Variants in AK8 observed in about 807,000 individuals in gnomAD.
AK8 encodes the protein ATP-AMP transphosphorylase 8.
Under a neutral mutation model 54.6 loss-of-function variants are expected in AK8, and 44 were observed. The observed-to-expected ratio is 0.81, with a 90% CI of 0.63 to 1.04. The LOEUF (loss-of-function observed/expected upper bound fraction) is 1.04, where lower values mean the gene tolerates loss of function less well. Among genes scored for constraint, AK8 ranks in the 50% least tolerant of loss-of-function variants. The pLI is 0.00. For synonymous variants in AK8, 239 were observed against 245.6 expected (o/e 0.97, Z 0.25); for missense variants, 555 against 613.6 (o/e 0.90, Z 1.01).
intron 11 of AK8, among the ~76,000 whole-genome samples, chr9:132,733,099 A>G (rs1483608799): frequency 2.6e-5 from 4 of 152,046 alleles, no homozygotes; most frequent in East Asian, 1.9e-4. Flanking sequence ...AGCGAGCCCA[A>G]CTGTTTCCCC....
chr9:132,808,930 T>C (rs1377633668), intron 10 of AK8, among the ~76,000 whole-genome samples: 1 of 152,104 alleles, frequency 6.6e-6, no homozygotes, highest in Non-Finnish European at 1.5e-5. Flanking sequence ...AGTGCCTGGC[T>C]TGGGGAGTGG....
intron 11 of AK8, among the ~76,000 whole-genome samples, chr9:132,773,508 C>T (rs1425216727): frequency 2.6e-5 from 4 of 152,212 alleles, no homozygotes; most frequent in Non-Finnish European, 5.9e-5. Flanking sequence ...GAATGTAAGA[C>T]ACCTGAAGCG....
rs1311489066 is a variant in AK8 at position 132,837,517 on chromosome 9, C to T, written c.403-8791G>A. On this transcript the variant is annotated intron_variant, in intron 5 of 12. Coordinates refer to ENST00000298545, the MANE Select transcript of AK8 (RefSeq NM_152572.3). This position sits in a 1 kb window ranked among gnomAD's most constrained non-coding sequence, Gnocchi z 4.3. ...CCCATCATCTCCGTGCCTCTCAATA[C>T]TCTCTCCTGCTCCAAGGTCTGCTTG... Among the ~76,000 whole-genome samples, 1 of 152,022 alleles carries T rather than the reference C, an allele frequency of 6.6e-6. No homozygotes were observed. The highest frequency in any genetic ancestry group is 1.5e-5 in the Non-Finnish European group (1 of 68,010).
chr9:132,863,592 G>A lies in AK8; in HGVS notation c.333+73C>T, dbSNP rs572302505. The A allele has an allele frequency of 9.5e-4, 972 of 1,019,840 alleles. 13 individuals are homozygous for A. The South Asian group carries it at 0.013, about 14-fold the overall frequency. 63.2% of individuals were successfully genotyped at this position (1,019,840 alleles called of 1,614,324 possible). A position where few individuals can be genotyped will look rare whatever the true frequency, so the allele number is the denominator to read the frequency against. ...ATGAAATGGGAACAAACCAAGCAAT[G>A]GTCAGGTGGCAGTGGGTGTGGCAGT... On this transcript the variant is annotated intron_variant, in intron 4 of 12. Coordinates refer to ENST00000298545, the MANE Select transcript of AK8 (RefSeq NM_152572.3).
chr9:132,809,896 G>A (rs1323362671), intron 10 of AK8, among the ~76,000 whole-genome samples: 1 of 152,250 alleles, frequency 6.6e-6, no homozygotes, highest in Non-Finnish European at 1.5e-5. Context: ...GGTCGGCTAG[G>A]CAGAGTTTCC....
chr9:132,877,892 A>G (rs951003449), intron 1 of AK8: 6 of 728,694 alleles, frequency 8.2e-6, no homozygotes, highest in Admixed American at 4.1e-5. Flanking sequence ...GTTCCAGACC[A>G]TAAGGCCCGC....
chr9:132,839,022 G>C (rs994514979), intron 5 of AK8, among the ~76,000 whole-genome samples: 2 of 151,462 alleles, frequency 1.3e-5, no homozygotes, highest in Admixed American at 1.3e-4. Context: ...TCGGCTCATT[G>C]CAACTCTGCC....
intron 7 of AK8, 22 bp downstream of exon 7, chr9:132,827,991 G>A: frequency 6.4e-7 from 1 of 1,554,618 alleles, no homozygotes; most frequent in Non-Finnish European, 8.7e-7. Context: ...ATGGGGCTGG[G>A]TGGGGGTGGC....
In AK8 at chr9:132,863,683, C is replaced by A; in HGVS notation, c.315G>T (p.Arg105Ser). The A allele has an allele frequency of 6.2e-7, 1 of 1,613,570 alleles. No individual in the cohort carries two copies. Among genetic ancestry groups the A allele is most frequent in the Non-Finnish European group, 8.5e-7 (1 of 1,179,816 alleles). Reference sequence around the variant, plus strand: ...GTCCTACCTTCCTTTGCAGATAAAGCCTTCTGGCTTCGGTGGCCGTATAGG... The same window carrying A: ...GTCCTACCTTCCTTTGCAGATAAAGACTTCTGGCTTCGGTGGCCGTATAGG... ...EFSYTATEAR[R>S]LYLQRKTVPS... The change falls in exon 4 of 13, where the codon AGG becomes AGT. Residue 105 changes from arginine (R) to serine (S), a missense_variant. Transcript: ENST00000298545.
rs181940978 is a variant in AK8, at chr9:132,815,061, C to T, written c.890-334G>A. On this transcript the variant is annotated intron_variant, in intron 9 of 12. Transcript: ENST00000298545. Reference sequence around the variant, plus strand: ...GCACCTGGAATTGCTGCGCAGAACTCGGCGCCCTCCAGGGTGCTGCGGAGG... The same window carrying T: ...GCACCTGGAATTGCTGCGCAGAACTTGGCGCCCTCCAGGGTGCTGCGGAGG... 3.3e-3 allele frequency among the ~76,000 whole-genome samples: 499 copies of T among 152,370 alleles called. 5 individuals carry two copies. The highest frequency in any genetic ancestry group is 1.7e-3 in the East Asian group (9 of 5,182).
chr9:132,830,968 G>A (rs1277869098), intron 5 of AK8, among the ~76,000 whole-genome samples: 1 of 152,130 alleles, frequency 6.6e-6, no homozygotes, highest in Non-Finnish European at 1.5e-5. Flanking sequence ...GAATGATATA[G>A]GGCTGTGATC....
intron 2 of AK8, among the ~76,000 whole-genome samples, chr9:132,873,741 G>C (rs927019439): frequency 5.3e-5 from 8 of 152,142 alleles, no homozygotes; most frequent in African/African-American, 1.7e-4. Context: ...GTGGGGGCAG[G>C]GGGGAATGCA....
intron 11 of AK8, among the ~76,000 whole-genome samples, chr9:132,774,867 G>A (rs544562501): frequency 3.3e-5 from 5 of 152,328 alleles, no homozygotes; most frequent in Admixed American, 3.3e-4. Context: ...GCTGGCTTAG[G>A]CCGAACTGTT....
intron 11 of AK8, among the ~76,000 whole-genome samples, chr9:132,739,923 G>A (rs574435186): frequency 3.9e-5 from 6 of 152,364 alleles, no homozygotes; most frequent in African/African-American, 1.4e-4. Flanking sequence ...CTTACCTTGT[G>A]GGGCAAAGTA....
At chr9:132,753,989 C>T (rs922508421) in intron 11 of AK8, among the ~76,000 whole-genome samples, 1 of 152,162 alleles carries the variant, frequency 6.6e-6, no homozygotes, top group African/African-American at 2.4e-5. Flanking sequence ...CACTGGAGCC[C>T]GGAGTGCGGT....
chr9:132,815,114 T>G (rs1195551885), intron 9 of AK8, among the ~76,000 whole-genome samples: 1 of 152,226 alleles, frequency 6.6e-6, no homozygotes, highest in African/African-American at 2.4e-5. Context: ...GGGCTGCTCA[T>G]CTCTGGGCGA....
At chr9:132,859,029 G>A (rs1475189380) in intron 4 of AK8, among the ~76,000 whole-genome samples, 1 of 152,206 alleles carries the variant, frequency 6.6e-6, no homozygotes, top group Non-Finnish European at 1.5e-5. Flanking sequence ...GCCTGGAGCT[G>A]TTGACTCAGG....
rs781446290 is a variant in AK8, at chr9:132,828,633, G to C, written c.484+12C>G. The C allele has an allele frequency of 1.2e-5, 20 of 1,608,882 alleles. No homozygotes were observed. Among genetic ancestry groups the C allele is most frequent in the Non-Finnish European group, 1.6e-5 (19 of 1,177,836 alleles). On this transcript the variant is annotated intron_variant, in intron 6 of 12. Transcript: ENST00000298545. ...AGCTCTGGCAGGTGGGGGACCCTTG[G>C]GAGCTACTCACTGACGTGTCTGGGT... is the stretch of plus-strand genomic sequence containing the variant.
At chr9:132,848,115 C>CAAAAAAAAAAAAAAAA (rs796764891) in intron 5 of AK8, among the ~76,000 whole-genome samples, 9 of 52,550 alleles carry the variant, frequency 1.7e-4, no homozygotes, top group South Asian at 9.8e-4. Flanking sequence ...CACCCTGTTT[C>CAAAAAAAAAAAAAAAA]AAAAAAAAAA....
Sources: gnomAD v4.1 joint callset for allele counts (sites outside exome capture counted in the v4.1 genomes callset) on GRCh38, gnomAD v4.1.1 for gene constraint, Gnocchi (gnomAD v3.1) non-coding constraint, MANE v1.5 for transcripts, NCBI Gene and HGNC (gene_info 2026-07-23, HGNC 2026-07-21) for gene names.